Variants in DCC observed in about 807,000 individuals in gnomAD.
The protein encoded by DCC is DCC netrin 1 receptor.
A neutral mutation model predicts 172.5 loss-of-function variants in DCC; 58 were observed. The observed-to-expected ratio is 0.34, with a 90% CI of 0.27 to 0.42. DCC has a LOEUF of 0.42. Ranked by LOEUF, DCC falls within the 10% of genes least tolerant of loss-of-function variation. The pLI, the probability that DCC is intolerant of heterozygous loss-of-function variation, is 1.00. For missense variants in DCC, 1,740 were observed against 1,791.0 expected, an observed-to-expected ratio of 0.97 and a Z score of 0.51; for synonymous variants, 709 against 644.5, an observed-to-expected ratio of 1.10 and a Z score of -1.52.
intron 15 of DCC, among the ~76,000 whole-genome samples, chr18:53,353,638 G>T (rs2057839127): frequency 6.6e-6 from 1 of 152,066 alleles, no homozygotes; most frequent in African/African-American, 2.4e-5. Context: ...TTTTAAGTTT[G>T]CTATTAAAAC....
intron 7 of DCC, among the ~76,000 whole-genome samples, chr18:53,150,857 A>T (rs531027086): frequency 6.6e-6 from 1 of 152,320 alleles, no homozygotes; most frequent in South Asian, 2.1e-4. Context: ...CACTCCTGAA[A>T]CCTAGCTCCG....
At chr18:53,210,587 C>T (rs138969449) in intron 11 of DCC, among the ~76,000 whole-genome samples, 178 of 152,148 alleles carry the variant, frequency 1.2e-3, no homozygotes, top group African/African-American at 4.2e-3. Context: ...TTTCTGTATG[C>T]AAAGGCTTAT....
intron 2 of DCC, among the ~76,000 whole-genome samples, chr18:52,814,457 G>A (rs150395869): frequency 2.0e-5 from 3 of 152,226 alleles, no homozygotes; most frequent in East Asian, 1.9e-4. Flanking sequence ...TTCAGGCAAC[G>A]CAAAGAGAGC....
intron 12 of DCC, among the ~76,000 whole-genome samples, chr18:53,270,226 A>G (rs2144704318): frequency 6.6e-6 from 1 of 152,296 alleles, no homozygotes; most frequent in African/African-American, 2.4e-5. Flanking sequence ...TTACCTCAAA[A>G]GAGTGCTACC....
At chr18:53,196,963 A>C (rs1452694978) in intron 9 of DCC, among the ~76,000 whole-genome samples, 1 of 152,114 alleles carries the variant, frequency 6.6e-6, no homozygotes. Context: ...CATTATGTTA[A>C]TAATTACATT....
intron 1 of DCC, among the ~76,000 whole-genome samples, chr18:52,656,020 A>G (rs1233154532): frequency 3.0e-5 from 3 of 100,590 alleles, no homozygotes; most frequent in Admixed American, 1.4e-4. Context: ...ATATGTGTGT[A>G]TATATATGTA....
chr18:52,381,713 G>T (rs528175218), intron 1 of DCC, among the ~76,000 whole-genome samples: 1 of 152,168 alleles, frequency 6.6e-6, no homozygotes, highest in African/African-American at 2.4e-5. Context: ...ATAGGTTTTG[G>T]CTTCAAGGTC....
chr18:52,772,785 G>A (rs909593210), intron 2 of DCC, among the ~76,000 whole-genome samples: 5 of 152,102 alleles, frequency 3.3e-5, no homozygotes, highest in African/African-American at 7.2e-5. Flanking sequence ...GAAATTCCCC[G>A]AGGAGTGTTT....
intron 7 of DCC, among the ~76,000 whole-genome samples, chr18:53,151,127 T>G (rs1206176286): frequency 2.6e-5 from 4 of 152,234 alleles, no homozygotes; most frequent in Non-Finnish European, 5.9e-5. Flanking sequence ...AATGGATTAA[T>G]AATTGGATGC....
chr18:52,906,108 C>A lies in DCC; in HGVS notation c.477C>A (p.Leu159=), dbSNP rs1229476543. The A allele has an allele frequency of 6.2e-7, 1 of 1,612,972 alleles. No individual in the cohort carries two copies. Among genetic ancestry groups the A allele is most frequent in the African/African-American group, 1.3e-5 (1 of 74,920 alleles). The change falls in exon 3 of 29, where the codon CTC becomes CTA. Residue 159 remains leucine (L), a synonymous_variant. Coordinates refer to ENST00000442544, the MANE Select transcript of DCC (RefSeq NM_005215.4). The part of the protein sequence containing the change: ...VTAFMGDTVL[L]KCEVIGEPMP... ...CCTTCATGGGAGACACAGTGCTACT[C>A]AAGTGTGAAGTCATTGGGGAGCCCA...
At chr18:52,348,553 C>T (rs1983979677) in intron 1 of DCC, among the ~76,000 whole-genome samples, 2 of 152,162 alleles carry the variant, frequency 1.3e-5, no homozygotes, top group Admixed American at 1.3e-4. Context: ...TAAGTCTGAA[C>T]ATTTTTTCCA....
At chr18:52,819,115 G>T (rs2038357681) in intron 2 of DCC, among the ~76,000 whole-genome samples, 1 of 152,112 alleles carries the variant, frequency 6.6e-6, no homozygotes, top group African/African-American at 2.4e-5. Flanking sequence ...TTGCATGTAG[G>T]TAACCCCTGA....
intron 9 of DCC, among the ~76,000 whole-genome samples, chr18:53,184,710 T>C (rs182026679): frequency 2.6e-4 from 39 of 152,316 alleles, no homozygotes; most frequent in African/African-American, 9.4e-4. Flanking sequence ...TCAACTTCAT[T>C]ATATTCTTAT....
At chr18:52,353,767 T>C (rs533184464) in intron 1 of DCC, among the ~76,000 whole-genome samples, 16 of 152,306 alleles carry the variant, frequency 1.1e-4, no homozygotes, top group Non-Finnish European at 2.1e-4. Context: ...CTGCGCAGAT[T>C]GGATCAATCT....
At chr18:52,846,608 A>AACACACACACACACACACAC (rs71175524) in intron 2 of DCC, among the ~76,000 whole-genome samples, 14 of 130,590 alleles carry the variant, frequency 1.1e-4, no homozygotes, top group Admixed American at 1.6e-4. Context: ...TGCCACTCCA[A>AACACACACACACACACACAC]ACACACACAC....
intron 5 of DCC, among the ~76,000 whole-genome samples, chr18:52,968,938 C>T (rs928518960): frequency 1.5e-4 from 23 of 152,056 alleles, no homozygotes; most frequent in Admixed American, 9.8e-4. Context: ...CCCTAAATTT[C>T]CCCCTTCGGA....
chr18:52,457,382 G>A (rs559108818), intron 1 of DCC, among the ~76,000 whole-genome samples: 134 of 152,098 alleles, frequency 8.8e-4, no homozygotes, highest in Non-Finnish European at 1.7e-3. Context: ...ATATCTTTAT[G>A]CCACACATTA....
chr18:52,569,698 A>T (rs922151496), intron 1 of DCC, among the ~76,000 whole-genome samples: 1 of 152,178 alleles, frequency 6.6e-6, no homozygotes, highest in East Asian at 1.9e-4. Context: ...CTAAAAGGGG[A>T]ATGATATGAG....
chr18:53,207,618 G>C, intron 10 of DCC, 61 bp from the exon 11 acceptor site: 1 of 1,456,950 alleles, frequency 6.9e-7, no homozygotes, highest in East Asian at 2.3e-5. Flanking sequence ...TGCACAGAAT[G>C]AGTGCCATTT....
Sources: allele counts gnomAD v4.1 joint callset (sites outside exome capture counted in the v4.1 genomes callset), GRCh38; gene constraint gnomAD v4.1.1; transcripts MANE v1.5; gene names NCBI Gene and HGNC (gene_info 2026-07-23, HGNC 2026-07-21).